Variants in FCHO1 observed in about 807,000 individuals in gnomAD.
FCHO1 encodes the protein F-BAR domain only protein 1.
In FCHO1, 45 loss-of-function variants were observed where a neutral mutation model predicts 114.4. That is an observed-to-expected ratio of 0.39 (90% CI 0.31 to 0.50). The LOEUF (loss-of-function observed/expected upper bound fraction) is 0.50. Among genes scored for constraint, FCHO1 ranks in the 20% least tolerant of loss-of-function variants. The pLI, the probability that FCHO1 is intolerant of heterozygous loss-of-function variation, is 0.77. For missense variants in FCHO1, 1,042 were observed against 1,209.6 expected, an observed-to-expected ratio of 0.86 and a Z score of 2.06; for synonymous variants, 480 against 488.9, an observed-to-expected ratio of 0.98 and a Z score of 0.24.
intron 23 of FCHO1, among the ~76,000 whole-genome samples, chr19:17,782,200 ATTTG>A (rs919432135): frequency 2.0e-5 from 3 of 149,576 alleles, no homozygotes; most frequent in Admixed American, 6.7e-5. Context: ...TTGTTTGTTT[ATTTG>A]TTTGTTTGTT....
rs923831770 is a variant in FCHO1, at chr19:17,775,277, C to T, written c.946-179C>T. On this transcript the variant is annotated intron_variant, in intron 14 of 28. Coordinates refer to ENST00000596536, the MANE Select transcript of FCHO1 (RefSeq NM_015122.3). The surrounding 1 kb of genome is among the most constrained non-coding windows in gnomAD (Gnocchi z 5.1). ...ACGTGGGTGTGAATAATGTCCCTGCCGAAGCTCAGTTTGTCCCAGGAACCT... is the reference window on the plus strand; with the variant it reads ...ACGTGGGTGTGAATAATGTCCCTGCTGAAGCTCAGTTTGTCCCAGGAACCT... Among the ~76,000 whole-genome samples the T allele has an allele frequency of 5.3e-5, 8 of 152,090 alleles. No individual in the cohort carries two copies. Among genetic ancestry groups the T allele is most frequent in the African/African-American group, 1.2e-4 (5 of 41,390 alleles).
At chr19:17,782,613 G>T (rs147812531) in intron 23 of FCHO1, among the ~76,000 whole-genome samples, 53 of 152,310 alleles carry the variant, frequency 3.5e-4, no homozygotes, top group African/African-American at 1.3e-3. Context: ...GTGGGTAAGG[G>T]CGTGGGTTAG....
intron 18 of FCHO1, among the ~76,000 whole-genome samples, chr19:17,777,752 G>T (rs1048103574): frequency 6.6e-6 from 1 of 152,088 alleles, no homozygotes; most frequent in South Asian, 2.1e-4. Context: ...TGGAACTCCA[G>T]ACTGGGAACA....
At chr19:17,764,921 G>A (rs987625069) in intron 6 of FCHO1, among the ~76,000 whole-genome samples, 1 of 151,896 alleles carries the variant, frequency 6.6e-6, no homozygotes, top group African/African-American at 2.4e-5. Context: ...AAAATTAGTC[G>A]AGTGTGGTGG....
At position 17,787,558 on chromosome 19, in the gene FCHO1, G is replaced by A. The variant is rs1039595555; in HGVS notation, c.2483-124G>A. ...AGAGACAGATGCAGGGGATCAAAGG[G>A]AGGTCTGATGGGGCACATAAAGGCC... is the stretch of plus-strand genomic sequence containing the variant. On this transcript the variant is annotated intron_variant, in intron 27 of 28. Coordinates refer to ENST00000596536, the MANE Select transcript of FCHO1 (RefSeq NM_015122.3). 7 of 1,065,948 alleles carry A rather than the reference G, an allele frequency of 6.6e-6. No homozygotes were observed. The African/African-American group carries it at 9.6e-5, about 15-fold the overall frequency. 66.0% of individuals were successfully genotyped at this position (1,065,948 alleles called of 1,614,324 possible).
intron 4 of FCHO1, among the ~76,000 whole-genome samples, chr19:17,756,234 G>C (rs1018143368): frequency 6.6e-6 from 1 of 152,088 alleles, no homozygotes; most frequent in Non-Finnish European, 1.5e-5. Flanking sequence ...TGTGACCTCC[G>C]CCCTCTCTCC....
rs1198480331 is a variant in FCHO1 at position 17,775,911 on chromosome 19, C to T, written c.1004-72C>T. The stretch of plus-strand genomic sequence containing the variant: ...CTCGAAGGGTTTGAGCAGGGAGGGA[C>T]GAGGCTGGATTGGAGAGCTGACTGG... On this transcript the variant is annotated intron_variant, in intron 15 of 28. Transcript: ENST00000596536. The surrounding 1 kb of genome is among the most constrained non-coding windows in gnomAD (Gnocchi z 5.1). 2.1e-5 allele frequency: 32 copies of T among 1,551,696 alleles called. No individual in the cohort carries two copies. The highest frequency in any genetic ancestry group is 1.6e-4 in the East Asian group (7 of 44,428).
intron 4 of FCHO1, 199 bp downstream of exon 4, chr19:17,755,390 A>G: frequency 1.8e-6 from 1 of 553,322 alleles, no homozygotes; most frequent in Admixed American, 3.4e-5. Context: ...AACCTTGGGC[A>G]AGTCATAGCT....
chr19:17,772,809 GC>G, intron 11 of FCHO1, 68 bp downstream of exon 11: 2 of 1,141,788 alleles, frequency 1.8e-6, no homozygotes, highest in Non-Finnish European at 2.6e-6. Context: ...GTGCCACCAT[GC>G]CCAGCTAATT....
Position 17,751,786 on chromosome 19 carries a change from G to A in FCHO1, c.-183+209G>A, listed in dbSNP as rs1014219562. Among the ~76,000 whole-genome samples, 1 of 152,234 alleles carries A rather than the reference G, an allele frequency of 6.6e-6. No individual in the cohort carries two copies. The highest frequency in any genetic ancestry group is 1.5e-5 in the Non-Finnish European group (1 of 68,044). On this transcript the variant is annotated intron_variant, in intron 1 of 28. Coordinates refer to ENST00000596536, the MANE Select transcript of FCHO1 (RefSeq NM_015122.3). This position sits in a 1 kb window ranked among gnomAD's most constrained non-coding sequence, Gnocchi z 4.4. ...GAGTGGTGGTTTGGGTTAGGGGGGC[G>A]GCAAGGGGAGCTTGGAAACCCAGAG... is the stretch of plus-strand genomic sequence containing the variant.
chr19:17,755,095 C>T (rs1240925561), intron 3 of FCHO1, 23 bp from the exon 4 acceptor site: 4 of 1,494,160 alleles, frequency 2.7e-6, no homozygotes, highest in Non-Finnish European at 3.7e-6. Flanking sequence ...GACTCTGTAG[C>T]TCAAACTTGC....
At chr19:17,760,341 G>A (rs932749194) in intron 4 of FCHO1, among the ~76,000 whole-genome samples, 6 of 152,046 alleles carry the variant, frequency 3.9e-5, no homozygotes, top group Non-Finnish European at 8.8e-5. Context: ...GTGAGGCACC[G>A]CGCCCGGCCT....
intron 26 of FCHO1, among the ~76,000 whole-genome samples, chr19:17,786,294 A>C (rs942810195): frequency 2.0e-5 from 3 of 152,088 alleles, no homozygotes; most frequent in African/African-American, 7.2e-5. Context: ...GATCGCACCA[A>C]TGCACACCAG....
At position 17,788,476 on chromosome 19, in the gene FCHO1, C is replaced by A; in HGVS notation, c.*170C>A. The A allele has an allele frequency of 3.4e-6, 2 of 590,598 alleles. No homozygotes were observed. The highest frequency in any genetic ancestry group is 3.1e-6 in the Non-Finnish European group (1 of 327,104). The allele number at this position is 590,598 out of a possible 1,614,324, so 36.6% of individuals were successfully genotyped here. ...CTGAGCCCGAGATTCGCTCCTCCCC[C>A]TCATGCCAACCCCACACAGGTCCCG... On this transcript the variant is annotated 3_prime_UTR_variant, in exon 29 of 29. Transcript: ENST00000596536.
Position 17,766,820 on chromosome 19 carries a change from G to A in FCHO1, c.336+10G>A, listed in dbSNP as rs2089345458. On this transcript the variant is annotated intron_variant, in intron 7 of 28. Transcript: ENST00000596536. Reference sequence around the variant, plus strand: ...CAAGACCCACAAGAAGGTGTGTGTCGTGGGCGCCGCCCAGCGGCTGGGTGG... The same window carrying A: ...CAAGACCCACAAGAAGGTGTGTGTCATGGGCGCCGCCCAGCGGCTGGGTGG... The A allele has an allele frequency of 3.1e-6, 5 of 1,607,910 alleles. No homozygotes were observed. Among genetic ancestry groups the A allele is most frequent in the Non-Finnish European group, 3.4e-6 (4 of 1,175,044 alleles).
chr19:17,774,944 C>A (rs1485314780), intron 13 of FCHO1, 112 bp from the exon 14 acceptor site: 2 of 1,201,480 alleles, frequency 1.7e-6, no homozygotes, highest in Non-Finnish European at 2.5e-6. Context: ...TAGCTCAGGG[C>A]AGTATCACAG....
intron 9 of FCHO1, among the ~76,000 whole-genome samples, 156 bp downstream of exon 9, chr19:17,771,052 G>C (rs1175378825): frequency 1.3e-5 from 2 of 152,008 alleles, no homozygotes; most frequent in Non-Finnish European, 2.9e-5. Context: ...TCAGGAGTTT[G>C]AGACCAGCCT....
intron 24 of FCHO1, among the ~76,000 whole-genome samples, chr19:17,783,642 G>A (rs796696360): frequency 2.0e-5 from 3 of 151,488 alleles, no homozygotes; most frequent in African/African-American, 7.3e-5. Context: ...GTGCAGTGGC[G>A]TGATCTCGGC....
In FCHO1 at chr19:17,764,224, A is replaced by G. The variant is rs572547540; in HGVS notation, c.120-151A>G. 28 of 665,532 alleles carry G rather than the reference A, an allele frequency of 4.2e-5. No homozygotes were observed. In the East Asian group the frequency reaches 8.4e-4, roughly 20 times the overall value. The allele number at this position is 665,532 out of a possible 1,614,324, so 41.2% of individuals were successfully genotyped here. On this transcript the variant is annotated intron_variant, in intron 5 of 28. Transcript: ENST00000596536. ...CCTGGCTAATTTTTGTATTTTTAGTAGAGACAGGGTTTCACCAAGTTGGCC... is the reference window on the plus strand; with the variant it reads ...CCTGGCTAATTTTTGTATTTTTAGTGGAGACAGGGTTTCACCAAGTTGGCC...
Sources: gnomAD v4.1 joint callset for allele counts (sites outside exome capture counted in the v4.1 genomes callset) on GRCh38, gnomAD v4.1.1 for gene constraint, Gnocchi (gnomAD v3.1) non-coding constraint, MANE v1.5 for transcripts, NCBI Gene and HGNC (gene_info 2026-07-23, HGNC 2026-07-21) for gene names.